Variants in SCHIP1 observed in about 807,000 individuals in gnomAD.
SCHIP1 encodes the protein schwannomin interacting protein 1.
Under a neutral mutation model 29.7 loss-of-function variants are expected in SCHIP1, and 8 were observed. That is an observed-to-expected ratio of 0.27 (90% confidence interval 0.16 to 0.49). The LOEUF is 0.49. Ranked by LOEUF, SCHIP1 falls within the 20% of genes least tolerant of loss-of-function variation. The pLI, the probability that SCHIP1 is intolerant of heterozygous loss-of-function variation, is 0.99. For synonymous variants in SCHIP1, 76 were observed against 94.9 expected (o/e 0.80, Z 1.16); for missense variants, 193 against 294.6 (o/e 0.66, Z 2.52).
chr3:159,604,154 G>GT, the SCHIP1 span, among the ~76,000 whole-genome samples: 1 of 152,148 alleles, frequency 6.6e-6, no homozygotes, highest in Non-Finnish European at 1.5e-5. Context: ...AAATGTAAAT[G>GT]TAACTGTGAC....
At chr3:159,492,263 C>T in the SCHIP1 span, among the ~76,000 whole-genome samples, 4 of 152,120 alleles carry the variant, frequency 2.6e-5, no homozygotes, top group Admixed American at 1.3e-4. Flanking sequence ...ATGACTTTGA[C>T]GAGTTGAGAG....
At chr3:159,610,141 G>A in the SCHIP1 span, among the ~76,000 whole-genome samples, 1 of 152,182 alleles carries the variant, frequency 6.6e-6, no homozygotes, top group Non-Finnish European at 1.5e-5. Context: ...ACAGCTGGTT[G>A]AGTGGCAAAG....
chr3:159,592,059 G>A, the SCHIP1 span, among the ~76,000 whole-genome samples: 1 of 151,438 alleles, frequency 6.6e-6, no homozygotes, highest in African/African-American at 2.4e-5. Context: ...CTTTTAGTCT[G>A]CTTGGGGTCT....
At chr3:159,846,969 A>G (rs1435646566) in intron 1 of SCHIP1, among the ~76,000 whole-genome samples, 1 of 152,142 alleles carries the variant, frequency 6.6e-6, no homozygotes, top group Admixed American at 6.5e-5. Flanking sequence ...GAAAAAAAAA[A>G]TTAGCAGGGC....
the SCHIP1 span, among the ~76,000 whole-genome samples, chr3:159,625,900 A>C: frequency 6.6e-6 from 1 of 152,058 alleles, no homozygotes; most frequent in Non-Finnish European, 1.5e-5. Flanking sequence ...GACAGAGAAG[A>C]ACCCAGCTAG....
the SCHIP1 span, among the ~76,000 whole-genome samples, chr3:159,684,570 CA>C: frequency 6.6e-6 from 1 of 152,052 alleles, no homozygotes; most frequent in Non-Finnish European, 1.5e-5. Flanking sequence ...CTTTGGGAGG[CA>C]AAGGTGGGTG....
At chr3:159,678,323 C>T in the SCHIP1 span, among the ~76,000 whole-genome samples, 2 of 152,176 alleles carry the variant, frequency 1.3e-5, no homozygotes, top group South Asian at 4.1e-4. Flanking sequence ...GACTAATTCA[C>T]ACTGAGAAAT....
chr3:159,457,824 AATAATT>A, the SCHIP1 span, among the ~76,000 whole-genome samples: 1 of 152,180 alleles, frequency 6.6e-6, no homozygotes, highest in African/African-American at 2.4e-5. Context: ...AATAAAATAG[AATAATT>A]ATAACAATAT....
At chr3:159,723,709 A>G in the SCHIP1 span, among the ~76,000 whole-genome samples, 1 of 152,192 alleles carries the variant, frequency 6.6e-6, no homozygotes, top group Non-Finnish European at 1.5e-5. Context: ...TCTTCTCCCA[A>G]ACAGCTGCTA....
At chr3:159,603,078 G>C in the SCHIP1 span, among the ~76,000 whole-genome samples, 3 of 152,176 alleles carry the variant, frequency 2.0e-5, no homozygotes, top group Non-Finnish European at 4.4e-5. Context: ...CTTACAAAAT[G>C]CTATCCTTGG....
At chr3:159,721,204 G>GCAT in the SCHIP1 span, among the ~76,000 whole-genome samples, 7 of 152,190 alleles carry the variant, frequency 4.6e-5, no homozygotes, top group East Asian at 1.3e-3. Context: ...ATTATTAATA[G>GCAT]CATACCATGG....
At chr3:159,396,460 G>T in the SCHIP1 span, among the ~76,000 whole-genome samples, 6 of 147,304 alleles carry the variant, frequency 4.1e-5, no homozygotes, top group Non-Finnish European at 6.0e-5. Flanking sequence ...GGCTGGTACC[G>T]GTTGTTCCTT....
At chr3:159,638,720 A>G in the SCHIP1 span, among the ~76,000 whole-genome samples, 1 of 151,998 alleles carries the variant, frequency 6.6e-6, no homozygotes, top group African/African-American at 2.4e-5. Flanking sequence ...GAGTGGGTCT[A>G]AAGCAGTGGT....
At chr3:159,365,294 C>T in the SCHIP1 span, among the ~76,000 whole-genome samples, 2 of 152,126 alleles carry the variant, frequency 1.3e-5, no homozygotes, top group Non-Finnish European at 2.9e-5. Flanking sequence ...CTATATGTCA[C>T]AGGTTATTAC....
At chr3:159,490,610 A>C in the SCHIP1 span, among the ~76,000 whole-genome samples, 1 of 152,204 alleles carries the variant, frequency 6.6e-6, no homozygotes, top group Non-Finnish European at 1.5e-5. Flanking sequence ...ACAAACATAC[A>C]GTGGAGAAAT....
At chr3:159,506,663 C>A in the SCHIP1 span, among the ~76,000 whole-genome samples, 2 of 152,162 alleles carry the variant, frequency 1.3e-5, no homozygotes, top group African/African-American at 4.8e-5. Flanking sequence ...AGGAAGGGAT[C>A]CAGTTTCAGC....
the SCHIP1 span, among the ~76,000 whole-genome samples, chr3:159,722,561 T>C: frequency 6.6e-6 from 1 of 152,184 alleles, no homozygotes; most frequent in Non-Finnish European, 1.5e-5. Flanking sequence ...AATTGTTTAA[T>C]GTATACATTT....
the SCHIP1 span, among the ~76,000 whole-genome samples, chr3:159,747,057 C>G: frequency 1.3e-5 from 2 of 152,208 alleles, no homozygotes; most frequent in Non-Finnish European, 2.9e-5. Flanking sequence ...GGGCCATGAA[C>G]TCTTTGACCT....
the SCHIP1 span, among the ~76,000 whole-genome samples, chr3:159,297,553 C>T: frequency 2.2e-4 from 34 of 152,168 alleles, no homozygotes; most frequent in South Asian, 1.2e-3. Flanking sequence ...AAAGGCCTAG[C>T]TCTTCTAATG....
Sources: allele counts gnomAD v4.1 joint callset (sites outside exome capture counted in the v4.1 genomes callset), GRCh38; gene constraint gnomAD v4.1.1; transcripts MANE v1.5; gene names NCBI Gene and HGNC (gene_info 2026-07-23, HGNC 2026-07-21).